Variants in ARSB observed in about 807,000 individuals in gnomAD.
ARSB encodes arylsulfatase B, also known as N-acetylgalactosamine-4-sulfatase.
In ARSB, 41 loss-of-function variants were observed where a neutral mutation model predicts 50.9. The observed-to-expected ratio is 0.81, with a 90% CI of 0.63 to 1.04. The LOEUF is 1.04. ARSB is among the 50% of genes least tolerant of loss of function. ARSB has a pLI of 0.00. For missense variants in ARSB, 672 were observed against 693.3 expected, an observed-to-expected ratio of 0.97 and a Z score of 0.35; for synonymous variants, 269 against 284.8, an observed-to-expected ratio of 0.94 and a Z score of 0.56.
intron 6 of ARSB, among the ~76,000 whole-genome samples, chr5:78,817,804 G>C (rs1227620795): frequency 6.6e-6 from 1 of 151,862 alleles, no homozygotes; most frequent in Non-Finnish European, 1.5e-5. Context: ...GTGACAGCGA[G>C]ACTCTGCCTC....
intron 5 of ARSB, among the ~76,000 whole-genome samples, chr5:78,854,002 T>C (rs1746004499): frequency 6.6e-6 from 1 of 152,278 alleles, no homozygotes; most frequent in African/African-American, 2.4e-5. Flanking sequence ...CCCTGACCCC[T>C]TGCACTTCCC....
chr5:78,812,728 C>G (rs1425411752), intron 6 of ARSB, among the ~76,000 whole-genome samples: 4 of 152,072 alleles, frequency 2.6e-5, no homozygotes, highest in Non-Finnish European at 5.9e-5. Context: ...TGTGGTGGCT[C>G]ATGCCTGTAA....
At chr5:78,911,431 G>A (rs923436211) in intron 4 of ARSB, among the ~76,000 whole-genome samples, 6 of 151,692 alleles carry the variant, frequency 4.0e-5, no homozygotes, top group Non-Finnish European at 5.9e-5. Flanking sequence ...AAAATTAGCC[G>A]GGTGTGGTGG....
chr5:78,909,695 G>A (rs562720578), intron 4 of ARSB, among the ~76,000 whole-genome samples: 2 of 152,296 alleles, frequency 1.3e-5, no homozygotes, highest in East Asian at 3.9e-4. Context: ...GGAAAACTGG[G>A]TATTATCCAA....
intron 4 of ARSB, among the ~76,000 whole-genome samples, chr5:78,940,542 A>C (rs1465739598): frequency 6.6e-6 from 1 of 152,178 alleles, no homozygotes; most frequent in Non-Finnish European, 1.5e-5. Flanking sequence ...TAAATAGGGA[A>C]TCCTTTCCCC....
chr5:78,907,560 T>C (rs1044152240), intron 4 of ARSB, among the ~76,000 whole-genome samples: 1 of 152,222 alleles, frequency 6.6e-6, no homozygotes, highest in East Asian at 1.9e-4. Context: ...TTATTTTTCA[T>C]ATTTTATTTG....
chr5:78,939,405 A>G (rs926370487), intron 4 of ARSB, among the ~76,000 whole-genome samples: 1 of 151,850 alleles, frequency 6.6e-6, no homozygotes, highest in East Asian at 1.9e-4. Flanking sequence ...AGCATTAGGT[A>G]TATCTCCTAA....
intron 4 of ARSB, among the ~76,000 whole-genome samples, chr5:78,899,854 G>A (rs1315231233): frequency 6.6e-6 from 1 of 152,110 alleles, no homozygotes; most frequent in African/African-American, 2.4e-5. Flanking sequence ...GGAGACTGTG[G>A]TTCCCTGTTT....
At chr5:78,866,490 C>T (rs79493178) in intron 5 of ARSB, among the ~76,000 whole-genome samples, 3,054 of 152,186 alleles carry the variant, frequency 0.02, 99 homozygotes, top group African/African-American at 0.068. Context: ...ACTCAAATAA[C>T]GTCTGATAAG....
intron 5 of ARSB, among the ~76,000 whole-genome samples, chr5:78,857,534 T>C (rs1052681611): frequency 6.6e-6 from 1 of 152,204 alleles, no homozygotes; most frequent in South Asian, 2.1e-4. Flanking sequence ...GTTCATGAAA[T>C]GTCCTGGTTT....
intron 4 of ARSB, among the ~76,000 whole-genome samples, chr5:78,895,151 G>A (rs1295455840): frequency 6.6e-6 from 1 of 152,200 alleles, no homozygotes; most frequent in Non-Finnish European, 1.5e-5. Context: ...AGTCTCAGAC[G>A]CAATTCTAGC....
At chr5:78,850,914 A>G (rs1277956696) in intron 5 of ARSB, among the ~76,000 whole-genome samples, 4 of 152,048 alleles carry the variant, frequency 2.6e-5, no homozygotes, top group Non-Finnish European at 5.9e-5. Flanking sequence ...TATCCCCTTT[A>G]TCATTTTTTA....
At chr5:78,813,784 T>C (rs533367882) in intron 6 of ARSB, among the ~76,000 whole-genome samples, 2 of 152,266 alleles carry the variant, frequency 1.3e-5, no homozygotes, top group African/African-American at 4.8e-5. Flanking sequence ...CAGTGATTTG[T>C]ACTCCAGATA....
At chr5:78,936,103 C>A (rs1407788590) in intron 4 of ARSB, among the ~76,000 whole-genome samples, 1 of 109,918 alleles carries the variant, frequency 9.1e-6, no homozygotes, top group Non-Finnish European at 1.8e-5. Flanking sequence ...CTCTCTCTTT[C>A]CCTCCATCCC....
intron 6 of ARSB, among the ~76,000 whole-genome samples, chr5:78,838,941 C>T (rs1745066391): frequency 6.6e-6 from 1 of 152,200 alleles, no homozygotes; most frequent in Non-Finnish European, 1.5e-5. Context: ...TGTGGTTGCT[C>T]ACACTACCTG....
At chr5:78,964,695 G>T in intron 2 of ARSB, 89 bp from the exon 3 acceptor site, 1 of 1,204,358 alleles carries the variant, frequency 8.3e-7, no homozygotes, top group Non-Finnish European at 1.2e-6. Context: ...TAATGCAATT[G>T]ATTACCCGTG....
At chr5:78,909,016 CT>C (rs1269281284) in intron 4 of ARSB, among the ~76,000 whole-genome samples, 1 of 152,164 alleles carries the variant, frequency 6.6e-6, no homozygotes, top group Non-Finnish European at 1.5e-5. Flanking sequence ...TTGGATCAAG[CT>C]CTTGACAAAG....
In ARSB at chr5:78,834,462, T is replaced by C. The variant is rs150182690; in HGVS notation, c.1213+4894A>G. On this transcript the variant is annotated intron_variant, in intron 6 of 7. Coordinates refer to ENST00000264914, the MANE Select transcript of ARSB (RefSeq NM_000046.5). ...TCTGTCCCTATGAATCTGACCACTT[T>C]AGGTACCTCATGTAAGTGGAGTCAT... is the stretch of plus-strand genomic sequence containing the variant. 1.8e-4 allele frequency among the ~76,000 whole-genome samples: 27 copies of C among 151,870 alleles called. No homozygotes were observed. The East Asian group carries it at 5.2e-3, about 29-fold the overall frequency.
At chr5:78,849,205 C>T (rs545636192) in intron 5 of ARSB, among the ~76,000 whole-genome samples, 113 of 152,056 alleles carry the variant, frequency 7.4e-4, no homozygotes, top group African/African-American at 2.6e-3. Context: ...TTAGGTCTAA[C>T]GTTTAAGTCT....
Sources: allele counts gnomAD v4.1 joint callset (sites outside exome capture counted in the v4.1 genomes callset), GRCh38; gene constraint gnomAD v4.1.1; transcripts MANE v1.5; gene names NCBI Gene and HGNC (gene_info 2026-07-23, HGNC 2026-07-21).